Variants in BCL2 observed in about 807,000 individuals in gnomAD.
BCL2 encodes apoptosis regulator Bcl-2.
A neutral mutation model predicts 14.2 loss-of-function variants in BCL2; 1 was observed. The observed-to-expected ratio is 0.07, with a 90% CI of 0.02 to 0.33. The LOEUF (loss-of-function observed/expected upper bound fraction) is 0.33, where lower values mean the gene tolerates loss of function less well. BCL2 is among the 10% of genes least tolerant of loss of function. The pLI, the probability that BCL2 is intolerant of heterozygous loss-of-function variation, is 0.99. For missense variants in BCL2, 247 were observed against 305.9 expected (o/e 0.81, Z 1.44); for synonymous variants, 151 against 137.2 (o/e 1.10, Z -0.70).
chr18:63,223,411 AT>A (rs144793814), intron 2 of BCL2, among the ~76,000 whole-genome samples: 78,273 of 145,450 alleles, frequency 0.54, 22,962 homozygotes, highest in Non-Finnish European at 0.67. Flanking sequence ...AAAAAAAAAA[AT>A]AAATAAAGAA....
At chr18:63,150,063 TG>T (rs1914615421) in intron 2 of BCL2, among the ~76,000 whole-genome samples, 1 of 152,098 alleles carries the variant, frequency 6.6e-6, no homozygotes, top group Non-Finnish European at 1.5e-5. Context: ...GTAGTTTTTT[TG>T]TAGAATTGGG....
rs780981306 is a variant in BCL2, at chr18:63,318,041, C to A, written c.585+41G>T. On this transcript the variant is annotated intron_variant, in intron 2 of 2. Transcript: ENST00000333681. This position sits in a 1 kb window ranked among gnomAD's most constrained non-coding sequence, Gnocchi z 7.4. ...GCACTCCAACCCCCGCATCTCGGAC[C>A]TGTGGCCTCAGCCCAGACTCACATC... 1 of 1,603,786 alleles carries A rather than the reference C, an allele frequency of 6.2e-7. No homozygotes were observed. The highest frequency in any genetic ancestry group is 8.5e-7 in the Non-Finnish European group (1 of 1,173,346).
At chr18:63,267,160 T>A (rs1911856277) in intron 2 of BCL2, among the ~76,000 whole-genome samples, 2 of 152,078 alleles carry the variant, frequency 1.3e-5, no homozygotes, top group African/African-American at 4.8e-5. Context: ...AGTGAGAGCG[T>A]GGATCAGTCA....
intron 2 of BCL2, among the ~76,000 whole-genome samples, chr18:63,199,935 T>TGCACACACACACACGC (rs1909642134): frequency 6.6e-6 from 1 of 150,678 alleles, no homozygotes; most frequent in South Asian, 2.1e-4. Context: ...CGCGCACACA[T>TGCACACACACACACGC]GCACACACAC....
At chr18:63,252,284 C>G (rs1860309866) in intron 2 of BCL2, among the ~76,000 whole-genome samples, 1 of 152,162 alleles carries the variant, frequency 6.6e-6, no homozygotes, top group African/African-American at 2.4e-5. Context: ...AGAAAATTTG[C>G]TTTTGAAAGC....
intron 2 of BCL2, among the ~76,000 whole-genome samples, chr18:63,142,329 C>A (rs1209088781): frequency 1.3e-5 from 2 of 152,222 alleles, no homozygotes; most frequent in African/African-American, 4.8e-5. Flanking sequence ...CTGGCACTTG[C>A]TTTTTGGGAC....
chr18:63,161,324 T>G (rs1325846716), intron 2 of BCL2, among the ~76,000 whole-genome samples: 1 of 152,238 alleles, frequency 6.6e-6, no homozygotes, highest in African/African-American at 2.4e-5. Context: ...GTATATTTTT[T>G]CCTGTGAAAA....
At chr18:63,291,632 C>G (rs1359091148) in intron 2 of BCL2, among the ~76,000 whole-genome samples, 1 of 151,724 alleles carries the variant, frequency 6.6e-6, no homozygotes, top group Admixed American at 6.6e-5. Context: ...TGAAAGAGTA[C>G]AAAGATAAAG....
At chr18:63,130,139 G>A (rs940342609) in intron 2 of BCL2, among the ~76,000 whole-genome samples, 4 of 152,138 alleles carry the variant, frequency 2.6e-5, no homozygotes, top group Non-Finnish European at 4.4e-5. Context: ...TCACATTTGG[G>A]TCCAATGAGT....
rs1420497195 is a variant in BCL2, at chr18:63,127,436, C to T, written c.*1189G>A. Reference sequence around the variant, plus strand: ...TAAGAAGGGTCGTGGCTCCCATGCTCCACGTGAAAACGGGCCTACCTGGAG... The same window carrying T: ...TAAGAAGGGTCGTGGCTCCCATGCTTCACGTGAAAACGGGCCTACCTGGAG... On this transcript the variant is annotated 3_prime_UTR_variant, in exon 3 of 3. Coordinates refer to ENST00000333681, the MANE Select transcript of BCL2 (RefSeq NM_000633.3). The T allele has an allele frequency of 4.2e-6, 1 of 235,640 alleles. No individual in the cohort carries two copies. The highest frequency in any genetic ancestry group is 8.4e-6 in the Non-Finnish European group (1 of 119,608). The allele number at this position is 235,640 out of a possible 1,614,324, so 14.6% of individuals were successfully genotyped here. A position where few individuals can be genotyped will look rare whatever the true frequency, so the allele number is the denominator to read the frequency against.
intron 2 of BCL2, among the ~76,000 whole-genome samples, chr18:63,288,162 A>G (rs1168588903): frequency 6.6e-6 from 1 of 152,222 alleles, no homozygotes; most frequent in Non-Finnish European, 1.5e-5. Context: ...TTCCACAAAT[A>G]CTGTTTCATT....
At chr18:63,248,224 TG>T (rs150407044) in intron 2 of BCL2, among the ~76,000 whole-genome samples, 6,037 of 152,318 alleles carry the variant, frequency 0.04, 204 homozygotes, top group African/African-American at 0.091. Context: ...AAAAATCCAG[TG>T]GTGAAATAAT....
At chr18:63,302,358 T>C in intron 2 of BCL2, 1 of 984,956 alleles carries the variant, frequency 1.0e-6, no homozygotes, top group Non-Finnish European at 1.2e-6. Context: ...AGTTGGTGGC[T>C]TGTTCAGTTC....
rs1913858813 is a variant in BCL2 at position 63,124,506 on chromosome 18, T to C, written c.*4119A>G. On this transcript the variant is annotated 3_prime_UTR_variant, in exon 3 of 3. Coordinates refer to ENST00000333681, the MANE Select transcript of BCL2 (RefSeq NM_000633.3). Reference sequence around the variant, plus strand: ...CGCAGAGGCATCACATCGACCCCAATACAGGTCCTTCATACCCTTAGTTCT... The same window carrying C: ...CGCAGAGGCATCACATCGACCCCAACACAGGTCCTTCATACCCTTAGTTCT... 1 of 231,794 alleles carries C rather than the reference T, an allele frequency of 4.3e-6. No individual in the cohort carries two copies. The highest frequency in any genetic ancestry group is 8.5e-6 in the Non-Finnish European group (1 of 117,166). The allele number at this position is 231,794 out of a possible 1,614,324, so 14.4% of individuals were successfully genotyped here.
Position 63,127,916 on chromosome 18 carries a change from T to A in BCL2, c.*709A>T, listed in dbSNP as rs998233273. On this transcript the variant is annotated 3_prime_UTR_variant, in exon 3 of 3. Transcript: ENST00000333681. ...ACAATTGGTAGCTTAAAAAAATACT[T>A]TCCTATGATTTAAGGGCATTTTTCC... 4 of 224,808 alleles carry A rather than the reference T, an allele frequency of 1.8e-5. No homozygotes were observed. The highest frequency in any genetic ancestry group is 8.9e-5 in the African/African-American group (4 of 44,818). The allele number at this position is 224,808 out of a possible 1,614,324, so 13.9% of individuals were successfully genotyped here.
Position 63,318,495 on chromosome 18 carries a change from GGGGCGTGTGCCC to G in BCL2, c.160_171del (p.Gly54_Pro57del). On this transcript the variant is annotated inframe_deletion, in exon 2 of 3. Transcript: ENST00000333681. This position sits in a 1 kb window ranked among gnomAD's most constrained non-coding sequence, Gnocchi z 7.4. ...ACCGGGTCCCGGGATGCGGCTGGAT[GGGGCGTGTGCCC>G]GGGCTGGGAGGAGAAGATGCCCGGT... The G allele has an allele frequency of 6.5e-7, 1 of 1,526,898 alleles. No homozygotes were observed. Among genetic ancestry groups the G allele is most frequent in the East Asian group, 2.5e-5 (1 of 40,102 alleles). 94.6% of individuals were successfully genotyped at this position (1,526,898 alleles called of 1,614,324 possible).
intron 2 of BCL2, among the ~76,000 whole-genome samples, chr18:63,146,854 A>G (rs1348569617): frequency 6.6e-6 from 1 of 152,220 alleles, no homozygotes. Context: ...ATAGATTCAA[A>G]CAGGTATGTT....
intron 2 of BCL2, among the ~76,000 whole-genome samples, chr18:63,166,805 G>C (rs541419717): frequency 1.4e-4 from 21 of 152,248 alleles, no homozygotes; most frequent in African/African-American, 5.1e-4. Flanking sequence ...TCCTGACAAG[G>C]GACACTATCG....
intron 2 of BCL2, among the ~76,000 whole-genome samples, chr18:63,305,899 C>T (rs1376837173): frequency 6.6e-6 from 1 of 151,758 alleles, no homozygotes; most frequent in African/African-American, 2.4e-5. Flanking sequence ...AAGTGAGATC[C>T]TGTCGCAAAA....
Sources: allele counts gnomAD v4.1 joint callset (sites outside exome capture counted in the v4.1 genomes callset), GRCh38; gene constraint gnomAD v4.1.1; non-coding constraint Gnocchi (gnomAD v3.1); transcripts MANE v1.5; gene names NCBI Gene and HGNC (gene_info 2026-07-23, HGNC 2026-07-21).